Variants in THRB observed in about 807,000 individuals in gnomAD.
THRB encodes nuclear receptor subfamily 1 group A member 2.
THRB carries 12 observed loss-of-function variants against 47.8 expected under a neutral mutation model. That is an observed-to-expected ratio of 0.25 (90% CI 0.16 to 0.41). The LOEUF is 0.41. Ranked by LOEUF, THRB falls within the 10% of genes least tolerant of loss-of-function variation. THRB has a pLI of 1.00. For synonymous variants in THRB, 218 were observed against 212.2 expected, an observed-to-expected ratio of 1.03 and a Z score of -0.24; for missense variants, 348 against 589.2, an observed-to-expected ratio of 0.59 and a Z score of 4.24.
At chr3:24,236,167 C>T (rs960760662) in intron 3 of THRB, among the ~76,000 whole-genome samples, 3 of 152,152 alleles carry the variant, frequency 2.0e-5, no homozygotes, top group African/African-American at 4.8e-5. Context: ...GAGAGCTATA[C>T]ATCAAACCTT....
intron 1 of THRB, among the ~76,000 whole-genome samples, chr3:24,471,059 A>G (rs1300210464): frequency 6.6e-6 from 1 of 152,204 alleles, no homozygotes; most frequent in Non-Finnish European, 1.5e-5. Context: ...AATTTTCTAC[A>G]TCCTTCTGGA....
At chr3:24,220,308 T>C (rs2047022097) in intron 4 of THRB, among the ~76,000 whole-genome samples, 1 of 151,952 alleles carries the variant, frequency 6.6e-6, no homozygotes, top group Admixed American at 6.6e-5. Context: ...CTGGGCAACA[T>C]GGCAAGACCC....
At chr3:24,403,160 G>C (rs2067553383) in intron 1 of THRB, among the ~76,000 whole-genome samples, 1 of 151,832 alleles carries the variant, frequency 6.6e-6, no homozygotes, top group Non-Finnish European at 1.5e-5. Flanking sequence ...CTTGGTAAAA[G>C]CATACATACA....
At chr3:24,241,603 A>G (rs1426089750) in intron 3 of THRB, among the ~76,000 whole-genome samples, 1 of 152,190 alleles carries the variant, frequency 6.6e-6, no homozygotes, top group Non-Finnish European at 1.5e-5. Flanking sequence ...AACACTCATT[A>G]GCTAGGTGCT....
intron 1 of THRB, among the ~76,000 whole-genome samples, chr3:24,483,617 G>A (rs1374712228): frequency 6.6e-6 from 1 of 152,086 alleles, no homozygotes; most frequent in Non-Finnish European, 1.5e-5. Context: ...TAAAAATGAT[G>A]GTCAAAGACA....
chr3:24,279,254 T>G (rs2054266734), intron 3 of THRB, among the ~76,000 whole-genome samples: 1 of 152,162 alleles, frequency 6.6e-6, no homozygotes, highest in South Asian at 2.1e-4. Context: ...TTCGCTTGCC[T>G]GAGAGAAAAA....
chr3:24,145,546 T>C (rs554578075), intron 7 of THRB, among the ~76,000 whole-genome samples: 75 of 152,274 alleles, frequency 4.9e-4, no homozygotes, highest in African/African-American at 1.5e-3. Context: ...GGCATATTGT[T>C]GGCAAGGGCT....
intron 8 of THRB, among the ~76,000 whole-genome samples, chr3:24,137,881 G>A (rs1312755200): frequency 6.6e-6 from 1 of 152,138 alleles, no homozygotes; most frequent in Admixed American, 6.5e-5. Context: ...TAGAGATGGA[G>A]AGGCCTAGAG....
intron 1 of THRB, among the ~76,000 whole-genome samples, chr3:24,370,404 C>G (rs1382154207): frequency 6.6e-6 from 1 of 151,906 alleles, no homozygotes. Context: ...CTGTCACTGG[C>G]TTTACTGTGG....
chr3:24,322,792 T>C (rs1235232943), intron 2 of THRB, among the ~76,000 whole-genome samples: 1 of 152,230 alleles, frequency 6.6e-6, no homozygotes. Flanking sequence ...CTGATCAATA[T>C]ATGAGAATAG....
intron 5 of THRB, among the ~76,000 whole-genome samples, chr3:24,187,973 G>T (rs1022377203): frequency 6.6e-6 from 1 of 152,174 alleles, no homozygotes; most frequent in Admixed American, 6.5e-5. Context: ...GGTTACTCTG[G>T]AAAACATGGG....
chr3:24,391,997 C>T (rs928740741), intron 1 of THRB, among the ~76,000 whole-genome samples: 5 of 152,236 alleles, frequency 3.3e-5, no homozygotes, highest in East Asian at 1.9e-4. Flanking sequence ...TCCAAAGCAA[C>T]GCTACTTTCT....
intron 3 of THRB, among the ~76,000 whole-genome samples, chr3:24,277,453 C>T (rs546118641): frequency 6.6e-6 from 1 of 152,266 alleles, no homozygotes; most frequent in South Asian, 2.1e-4. Flanking sequence ...AGTCCCACCC[C>T]CAGAATTTTT....
intron 9 of THRB, among the ~76,000 whole-genome samples, chr3:24,131,434 T>C (rs2033846635): frequency 6.6e-6 from 1 of 152,326 alleles, no homozygotes; most frequent in Middle Eastern, 3.4e-3. Flanking sequence ...TAAGTCAAAG[T>C]CCCTTCCTCA....
rs116130136 is a variant in THRB at position 24,377,699 on chromosome 3, G to C, written c.-260-40328C>G. Among the ~76,000 whole-genome samples, 1,205 of 152,204 alleles carry C rather than the reference G, an allele frequency of 7.9e-3. 18 individuals carry two copies. Among genetic ancestry groups the C allele is most frequent in the African/African-American group, 0.028 (1,144 of 41,538 alleles). On this transcript the variant is annotated intron_variant, in intron 1 of 10. Transcript: ENST00000646209. Reference sequence around the variant, plus strand: ...CACAATGTAACTTTCTAGTGAGAGAGTCAACATTTGATAGCTGAAAATTGA... The same window carrying C: ...CACAATGTAACTTTCTAGTGAGAGACTCAACATTTGATAGCTGAAAATTGA...
At chr3:24,177,763 A>T (rs961759797) in intron 5 of THRB, among the ~76,000 whole-genome samples, 2 of 152,208 alleles carry the variant, frequency 1.3e-5, no homozygotes, top group Non-Finnish European at 2.9e-5. Flanking sequence ...GGCAAATTGA[A>T]ATTCTTCATT....
chr3:24,183,265 A>G (rs1575662324), intron 5 of THRB, among the ~76,000 whole-genome samples: 2 of 151,872 alleles, frequency 1.3e-5, no homozygotes, highest in African/African-American at 4.8e-5. Context: ...TTCTAAGAAC[A>G]GTTATCATTG....
chr3:24,144,100 C>T (rs781485365), intron 7 of THRB: 19 of 241,314 alleles, frequency 7.9e-5, no homozygotes, highest in Non-Finnish European at 1.3e-4. Flanking sequence ...CTGTCCTCCC[C>T]GCTTCCCCTA....
At chr3:24,469,108 C>T (rs796981834) in intron 1 of THRB, among the ~76,000 whole-genome samples, 1 of 152,298 alleles carries the variant, frequency 6.6e-6, no homozygotes, top group African/African-American at 2.4e-5. Context: ...ATCACCTCCG[C>T]TGGAATGTTT....
Sources: allele counts gnomAD v4.1 joint callset (sites outside exome capture counted in the v4.1 genomes callset), GRCh38; gene constraint gnomAD v4.1.1; transcripts MANE v1.5; gene names NCBI Gene and HGNC (gene_info 2026-07-23, HGNC 2026-07-21).